The following SYNDIG1 variants were observed in gnomAD, a reference collection of about 807,000 sequenced individuals.
The protein encoded by SYNDIG1 is synapse differentiation inducing 1.
SYNDIG1 carries 9 observed loss-of-function variants against 19.4 expected under a neutral mutation model. The observed-to-expected ratio is 0.46, with a 90% CI of 0.28 to 0.81. The LOEUF (loss-of-function observed/expected upper bound fraction) is 0.81, where lower values mean the gene tolerates loss of function less well. SYNDIG1 is among the 30% of genes least tolerant of loss of function. SYNDIG1 has a pLI of 0.12. For missense variants in SYNDIG1, 311 were observed against 343.3 expected (o/e 0.91, Z 0.74); for synonymous variants, 141 against 145.9 (o/e 0.97, Z 0.24).
At chr20:24,566,934 C>T (rs1215846047) in intron 2 of SYNDIG1, among the ~76,000 whole-genome samples, 2 of 152,172 alleles carry the variant, frequency 1.3e-5, no homozygotes, top group Non-Finnish European at 1.5e-5. Flanking sequence ...GTTCTCTAAC[C>T]ACTTCAGGGA....
chr20:24,530,029 T>C (rs62215286), intron 1 of SYNDIG1, among the ~76,000 whole-genome samples: 126 of 2,382 alleles, frequency 0.053, no homozygotes, highest in South Asian at 0.12. Flanking sequence ...ATGGTCGTGG[T>C]GATGGTGGTA....
At chr20:24,629,744 A>C (rs1269085728) in intron 3 of SYNDIG1, among the ~76,000 whole-genome samples, 4 of 152,272 alleles carry the variant, frequency 2.6e-5, no homozygotes, top group Non-Finnish European at 5.9e-5. Context: ...GCCATGGCTT[A>C]CTGCCAGCAA....
At chr20:24,490,088 C>G (rs1346064657) in intron 1 of SYNDIG1, among the ~76,000 whole-genome samples, 1 of 152,202 alleles carries the variant, frequency 6.6e-6, no homozygotes, top group East Asian at 1.9e-4. Context: ...CTCCAGGATA[C>G]CTTTGGGGCC....
Position 24,665,759 on chromosome 20 carries a change from C to G in SYNDIG1, c.*255C>G. 1 of 497,252 alleles carries G rather than the reference C, an allele frequency of 2.0e-6. No individual in the cohort carries two copies. Among genetic ancestry groups the G allele is most frequent in the Non-Finnish European group, 3.4e-6 (1 of 293,866 alleles). 30.8% of individuals were successfully genotyped at this position (497,252 alleles called of 1,614,324 possible). A position where few individuals can be genotyped will look rare whatever the true frequency, so the allele number is the denominator to read the frequency against. ...CAAAGATCCCAGCCCGCAAGGCTGT[C>G]TCTGGATGGATTCTGGTGGATGAAT... On this transcript the variant is annotated 3_prime_UTR_variant, in exon 4 of 4. Coordinates refer to ENST00000376862, the MANE Select transcript of SYNDIG1 (RefSeq NM_024893.3).
At chr20:24,609,188 C>T (rs2058808414) in intron 3 of SYNDIG1, among the ~76,000 whole-genome samples, 1 of 152,190 alleles carries the variant, frequency 6.6e-6, no homozygotes, top group Admixed American at 6.5e-5. Flanking sequence ...CAATGTCCCC[C>T]TTTTCTTGCC....
At chr20:24,607,576 A>C (rs529038266) in intron 3 of SYNDIG1, among the ~76,000 whole-genome samples, 8 of 92,504 alleles carry the variant, frequency 8.6e-5, no homozygotes, top group African/African-American at 3.1e-4. Flanking sequence ...TTTCTCCTCA[A>C]GAGCGAGACA....
chr20:24,514,079 G>T (rs555623794), intron 1 of SYNDIG1, among the ~76,000 whole-genome samples: 3 of 152,280 alleles, frequency 2.0e-5, no homozygotes, highest in African/African-American at 7.2e-5. Context: ...AATGCTGAGA[G>T]ATTTTGTCAC....
At chr20:24,623,843 AAG>A (rs1463267756) in intron 3 of SYNDIG1, among the ~76,000 whole-genome samples, 4 of 152,244 alleles carry the variant, frequency 2.6e-5, no homozygotes, top group Non-Finnish European at 5.9e-5. Flanking sequence ...GATTCTGAAA[AAG>A]AGGGGGAAAA....
Position 24,529,679 on chromosome 20 carries a change from A to G in SYNDIG1, c.-78-13341A>G, listed in dbSNP as rs553148617. ...TGGGCTGTACAAACGCAGGTGTTAG[A>G]TGTATTTGTTCTGTGGCCTTGATTT... On this transcript the variant is annotated intron_variant, in intron 1 of 3. Transcript: ENST00000376862. Among the ~76,000 whole-genome samples the G allele has an allele frequency of 1.5e-4, 23 of 152,282 alleles. No individual in the cohort carries two copies. In the South Asian group the frequency reaches 3.5e-3, roughly 23 times the overall value.
Position 24,665,773 on chromosome 20 carries a change from T to C in SYNDIG1, c.*269T>C, listed in dbSNP as rs2059642357. Reference sequence around the variant, plus strand: ...CGCAAGGCTGTCTCTGGATGGATTCTGGTGGATGAATGGCAACGCGGCTCT... The same window carrying C: ...CGCAAGGCTGTCTCTGGATGGATTCCGGTGGATGAATGGCAACGCGGCTCT... On this transcript the variant is annotated 3_prime_UTR_variant, in exon 4 of 4. Coordinates refer to ENST00000376862, the MANE Select transcript of SYNDIG1 (RefSeq NM_024893.3). The C allele has an allele frequency of 2.1e-6, 1 of 474,450 alleles. No homozygotes were observed. The highest frequency in any genetic ancestry group is 3.6e-6 in the Non-Finnish European group (1 of 276,938). 29.4% of individuals were successfully genotyped at this position (474,450 alleles called of 1,614,324 possible).
At chr20:24,521,657 G>A (rs1053279603) in intron 1 of SYNDIG1, among the ~76,000 whole-genome samples, 5 of 152,068 alleles carry the variant, frequency 3.3e-5, no homozygotes, top group African/African-American at 1.2e-4. Context: ...TAGCACTTTG[G>A]GAGACCGAGG....
intron 3 of SYNDIG1, among the ~76,000 whole-genome samples, chr20:24,655,976 C>G (rs971970838): frequency 6.6e-6 from 1 of 152,196 alleles, no homozygotes; most frequent in East Asian, 1.9e-4. Context: ...GAGTCAGACA[C>G]CATCGTGCGT....
At chr20:24,548,898 G>A (rs1273997005) in intron 2 of SYNDIG1, among the ~76,000 whole-genome samples, 2 of 152,074 alleles carry the variant, frequency 1.3e-5, no homozygotes, top group Non-Finnish European at 1.5e-5. Context: ...CTTTGTTGAA[G>A]AGGTTTTTTA....
Position 24,560,694 on chromosome 20 carries a change from C to CTTTTTTTTTT in SYNDIG1, c.480+17129_480+17138dup, listed in dbSNP as rs10658853. Among the ~76,000 whole-genome samples, 6 of 113,822 alleles carry CTTTTTTTTTT rather than the reference C, an allele frequency of 5.3e-5. 2 individuals are homozygous for CTTTTTTTTTT. Among genetic ancestry groups the CTTTTTTTTTT allele is most frequent in the African/African-American group, 6.7e-5 (2 of 29,856 alleles). The allele number at this position is 113,822 out of a possible 152,430, so 74.7% of individuals were successfully genotyped here. Reference sequence around the variant, plus strand: ...CCCCCGAGACAGTTTCTGTTGACTACTTTTTTTTTTTTTTTTTTTTTAAAC... The same window carrying CTTTTTTTTTT: ...CCCCCGAGACAGTTTCTGTTGACTACTTTTTTTTTTTTTTTTTTTTTTTTTTTTTTTAAAC... On this transcript the variant is annotated intron_variant, in intron 2 of 3. Transcript: ENST00000376862.
chr20:24,574,805 C>T (rs1268981961), intron 2 of SYNDIG1, among the ~76,000 whole-genome samples: 1 of 152,218 alleles, frequency 6.6e-6, no homozygotes, highest in East Asian at 1.9e-4. Context: ...AGGAGCTACA[C>T]ACAGAGGTGA....
At chr20:24,503,438 G>A (rs1335728784) in intron 1 of SYNDIG1, among the ~76,000 whole-genome samples, 2 of 152,196 alleles carry the variant, frequency 1.3e-5, no homozygotes, top group South Asian at 2.1e-4. Flanking sequence ...AGTGCTGAGA[G>A]GGAGACACAA....
intron 1 of SYNDIG1, among the ~76,000 whole-genome samples, chr20:24,506,124 C>T (rs747888568): frequency 4.4e-4 from 67 of 152,128 alleles, no homozygotes; most frequent in Non-Finnish European, 5.9e-4. Context: ...AATTTGGCAC[C>T]GCCAGGTCTG....
chr20:24,531,860 C>T (rs115769826), intron 1 of SYNDIG1, among the ~76,000 whole-genome samples: 37 of 152,240 alleles, frequency 2.4e-4, no homozygotes, highest in African/African-American at 7.0e-4. Context: ...CTGGGACACT[C>T]GGCATGCAAA....
intron 2 of SYNDIG1, among the ~76,000 whole-genome samples, chr20:24,579,434 G>A (rs1298869093): frequency 3.3e-5 from 5 of 152,172 alleles, no homozygotes; most frequent in Admixed American, 3.3e-4. Context: ...AAAAACTCTG[G>A]TCTCTGTTTG....
Sources: gnomAD v4.1 joint callset for allele counts (sites outside exome capture counted in the v4.1 genomes callset) on GRCh38, gnomAD v4.1.1 for gene constraint, MANE v1.5 for transcripts, NCBI Gene and HGNC (gene_info 2026-07-23, HGNC 2026-07-21) for gene names.